PARP6: variants seen among roughly 807,000 people sequenced by gnomAD.
PARP6 encodes the protein protein mono-ADP-ribosyltransferase PARP6.
In PARP6, 27 loss-of-function variants were observed where a neutral mutation model predicts 92.0. That is an observed-to-expected ratio of 0.29 (90% CI 0.22 to 0.40). The LOEUF (loss-of-function observed/expected upper bound fraction) is 0.40, where lower values mean the gene tolerates loss of function less well. Among genes scored for constraint, PARP6 ranks in the 10% least tolerant of loss-of-function variants. The pLI is 1.00. For synonymous variants in PARP6, 272 were observed against 281.2 expected, an observed-to-expected ratio of 0.97 and a Z score of 0.33; for missense variants, 501 against 784.5, an observed-to-expected ratio of 0.64 and a Z score of 4.32.
chr15:72,264,891 G>T (rs1261776562), intron 7 of PARP6, among the ~76,000 whole-genome samples, 190 bp downstream of exon 7: 1 of 152,200 alleles, frequency 6.6e-6, no homozygotes, highest in Non-Finnish European at 1.5e-5. Context: ...AGGCAAGAAG[G>T]CCTTTAGGGA....
chr15:72,253,921 T>C (rs2084706304), intron 15 of PARP6: 4 of 435,108 alleles, frequency 9.2e-6, no homozygotes, highest in South Asian at 6.7e-5. Flanking sequence ...TCAACTGTGA[T>C]ATACAGGATT....
intron 16 of PARP6, among the ~76,000 whole-genome samples, chr15:72,253,086 G>C (rs2084592580): frequency 1.3e-5 from 2 of 151,000 alleles, no homozygotes; most frequent in Admixed American, 1.3e-4. Context: ...GGCTGAGGTG[G>C]ATCACTTGAG....
chr15:72,250,219 G>C (rs1445238672), intron 18 of PARP6, 127 bp from the exon 19 acceptor site: 1 of 680,986 alleles, frequency 1.5e-6, no homozygotes, highest in Non-Finnish European at 2.8e-6. Context: ...CCTAGTGATG[G>C]ACATGCACAT....
chr15:72,245,760 TGAA>T (rs1482200290), intron 20 of PARP6: 1 of 152,166 alleles, frequency 6.6e-6, no homozygotes, highest in Non-Finnish European at 1.5e-5. Context: ...GGTTAAGTGA[TGAA>T]GAAAGACGAG....
chr15:72,256,915 T>C (rs375322706), intron 13 of PARP6, among the ~76,000 whole-genome samples: 212 of 152,238 alleles, frequency 1.4e-3, no homozygotes, highest in African/African-American at 4.5e-3. Context: ...GCTCACTCTG[T>C]TACCCAGGCT....
chr15:72,266,371 G>A (rs1203536774), intron 4 of PARP6, among the ~76,000 whole-genome samples: 3 of 152,154 alleles, frequency 2.0e-5, no homozygotes, highest in Non-Finnish European at 4.4e-5. Flanking sequence ...GAGAGTCTGG[G>A]TACTTCTGCT....
At chr15:72,259,189 C>T (rs180680280) in intron 11 of PARP6, among the ~76,000 whole-genome samples, 1 of 152,214 alleles carries the variant, frequency 6.6e-6, no homozygotes, top group East Asian at 1.9e-4. Flanking sequence ...AACAGAGATG[C>T]AAAAGTGAAA....
At chr15:72,267,788 G>C (rs947619143) in intron 2 of PARP6, 117 bp from the exon 3 acceptor site, 4 of 261,904 alleles carry the variant, frequency 1.5e-5, no homozygotes, top group Non-Finnish European at 2.9e-5. Context: ...TTTCGCTCTT[G>C]TCGCCCAGGC....
At chr15:72,253,633 G>C in intron 15 of PARP6, 129 bp from the exon 16 acceptor site, 2 of 750,870 alleles carry the variant, frequency 2.7e-6, no homozygotes, top group East Asian at 2.7e-5. Context: ...GGAAAAAGGA[G>C]ATAGGGTTCC....
intron 17 of PARP6, 76 bp downstream of exon 17, chr15:72,251,131 A>G: frequency 1.0e-5 from 11 of 1,075,104 alleles, no homozygotes; most frequent in East Asian, 2.4e-5. Flanking sequence ...TAGGACCAAT[A>G]TGGTTAGCTG....
At chr15:72,262,545 C>T (rs1265327992) in intron 8 of PARP6, among the ~76,000 whole-genome samples, 3 of 152,198 alleles carry the variant, frequency 2.0e-5, no homozygotes, top group South Asian at 2.1e-4. Flanking sequence ...GTCTAGTTAA[C>T]CTCTCCCTGT....
Position 72,242,568 on chromosome 15 carries a change from G to T in PARP6, c.1641+52C>A. On this transcript the variant is annotated intron_variant, in intron 21 of 23. Coordinates refer to ENST00000569795, the MANE Select transcript of PARP6 (RefSeq NM_001323532.2). This position sits in a 1 kb window ranked among gnomAD's most constrained non-coding sequence, Gnocchi z 4.3. ...CACTGTTTCCCTGTCCAGCTCTGGA[G>T]CCTAAATTAGCCCCAGGGAAAGGTC... is the stretch of plus-strand genomic sequence containing the variant. 8.2e-7 allele frequency: 1 copy of T among 1,221,506 alleles called. No homozygotes were observed. The highest frequency in any genetic ancestry group is 1.2e-6 in the Non-Finnish European group (1 of 822,106). The allele number at this position is 1,221,506 out of a possible 1,614,324, so 75.7% of individuals were successfully genotyped here.
At chr15:72,261,042 C>T (rs767380475) in intron 9 of PARP6, among the ~76,000 whole-genome samples, 2 of 152,122 alleles carry the variant, frequency 1.3e-5, no homozygotes, top group South Asian at 4.1e-4. Context: ...TTAAACACTG[C>T]GCTAGGCAAG....
chr15:72,241,238 G>T lies in PARP6; in HGVS notation c.*217C>A. ...TATTTACAAACAGGGTGAAGTCAAAGGGAAAGTCAGGGGATGGAGTCAGTC... is the reference window on the plus strand; with the variant it reads ...TATTTACAAACAGGGTGAAGTCAAATGGAAAGTCAGGGGATGGAGTCAGTC... On this transcript the variant is annotated 3_prime_UTR_variant, in exon 24 of 24. Coordinates refer to ENST00000569795, the MANE Select transcript of PARP6 (RefSeq NM_001323532.2). The surrounding 1 kb of genome is among the most constrained non-coding windows in gnomAD (Gnocchi z 4.1). 1 of 672,774 alleles carries T rather than the reference G, an allele frequency of 1.5e-6. No individual in the cohort carries two copies. The highest frequency in any genetic ancestry group is 2.7e-6 in the Non-Finnish European group (1 of 365,612). The allele number at this position is 672,774 out of a possible 1,614,324, so 41.7% of individuals were successfully genotyped here.
intron 19 of PARP6, 51 bp downstream of exon 19, chr15:72,249,969 G>T: frequency 1.7e-6 from 2 of 1,211,256 alleles, no homozygotes; most frequent in South Asian, 1.2e-5. Context: ...CCACAAAACT[G>T]AGTAGGGAAG....
At position 72,266,769 on chromosome 15, in the gene PARP6, T is replaced by C. The variant is rs957102606; in HGVS notation, c.57A>G (p.Ser19=). 4 of 1,613,882 alleles carry C rather than the reference T, an allele frequency of 2.5e-6. No homozygotes were observed. In the African/African-American group the frequency reaches 5.3e-5, roughly 22 times the overall value. ...CCTGAACGCCATAGAGAAATTCCTC[T>C]GATTCATTATCTCCCTCCGAGTCGT... ...NDDDSEGDNE[S]EEFLYGVQGS... The change falls in exon 4 of 24, where the codon TCA becomes TCG. Residue 19 remains serine, a synonymous_variant. Transcript: ENST00000569795.
intron 7 of PARP6, 86 bp downstream of exon 7, chr15:72,264,995 C>T: frequency 1.2e-6 from 1 of 864,992 alleles, no homozygotes. Flanking sequence ...GGACCTTGTT[C>T]CTAATTTTTT....
At chr15:72,268,335 G>A (rs1172809531) in intron 2 of PARP6, among the ~76,000 whole-genome samples, 4 of 152,222 alleles carry the variant, frequency 2.6e-5, no homozygotes. Flanking sequence ...TCACACCAGA[G>A]TTAAGATTCA....
chr15:72,258,837 G>A (rs1267735471), intron 11 of PARP6, among the ~76,000 whole-genome samples: 1 of 152,216 alleles, frequency 6.6e-6, no homozygotes, highest in Non-Finnish European at 1.5e-5. Context: ...AATGGGACAT[G>A]CAAGAGACTT....
Sources: allele counts gnomAD v4.1 joint callset (sites outside exome capture counted in the v4.1 genomes callset), GRCh38; gene constraint gnomAD v4.1.1; non-coding constraint Gnocchi (gnomAD v3.1); transcripts MANE v1.5; gene names NCBI Gene and HGNC (gene_info 2026-07-23, HGNC 2026-07-21).